TRIQK: variants seen among roughly 807,000 people sequenced by gnomAD.
TRIQK encodes triple QxxK/R motif-containing protein.
TRIQK carries 10 observed loss-of-function variants against 10.8 expected under a neutral mutation model. The ratio of observed to expected loss-of-function variants is 0.92; its 90% confidence interval spans 0.57 to 1.57. TRIQK has a LOEUF of 1.57. Ranked by LOEUF, TRIQK falls within the 40% of genes most tolerant of loss-of-function variation. The pLI is 0.00. For missense variants in TRIQK, 107 were observed against 97.7 expected (o/e 1.09, Z -0.40); for synonymous variants, 33 against 33.7 (o/e 0.98, Z 0.07).
At chr8:92,949,958 A>T (rs899069406) in intron 2 of TRIQK, among the ~76,000 whole-genome samples, 2 of 152,084 alleles carry the variant, frequency 1.3e-5, no homozygotes, top group African/African-American at 4.8e-5. Flanking sequence ...CCATTTATTT[A>T]AGATTCTTAG....
chr8:92,984,533 TCTAA>T (rs1813014461), intron 1 of TRIQK, among the ~76,000 whole-genome samples: 2 of 152,192 alleles, frequency 1.3e-5, no homozygotes, highest in African/African-American at 4.8e-5. Context: ...TCTTACTTAA[TCTAA>T]CTATTCATCA....
intron 2 of TRIQK, chr8:92,927,990 T>C (rs1563639580): frequency 6.6e-6 from 1 of 152,088 alleles, no homozygotes; most frequent in Non-Finnish European, 1.5e-5. Context: ...TTCAGGAAAG[T>C]GGTGCTTGTA....
intron 4 of TRIQK, chr8:92,886,964 T>C (rs1162151896): frequency 2.4e-5 from 7 of 293,354 alleles, no homozygotes; most frequent in African/African-American, 6.6e-5. Context: ...AGTATTATTA[T>C]TTCTAGCTAA....
intron 3 of TRIQK, among the ~76,000 whole-genome samples, chr8:92,900,593 G>T (rs1230720496): frequency 6.6e-6 from 1 of 152,030 alleles, no homozygotes; most frequent in African/African-American, 2.4e-5. Context: ...TATTCCATTG[G>T]TGTATGTGTC....
intron 3 of TRIQK, among the ~76,000 whole-genome samples, chr8:92,894,673 C>T (rs1586372030): frequency 6.6e-6 from 1 of 152,090 alleles, no homozygotes; most frequent in African/African-American, 2.4e-5. Context: ...GGAACAGGTT[C>T]TACTGCATTT....
chr8:92,976,935 T>C (rs1812939174), intron 1 of TRIQK, among the ~76,000 whole-genome samples: 1 of 152,014 alleles, frequency 6.6e-6, no homozygotes, highest in Non-Finnish European at 1.5e-5. Context: ...TGTGCTATTG[T>C]CATGTATTTT....
chr8:92,900,427 G>T (rs1246359359), intron 3 of TRIQK, among the ~76,000 whole-genome samples: 1 of 152,122 alleles, frequency 6.6e-6, no homozygotes, highest in Non-Finnish European at 1.5e-5. Context: ...TATGGTAAAA[G>T]ATAGGGTTCT....
chr8:92,995,005 T>A, intron 1 of TRIQK, among the ~76,000 whole-genome samples: 1 of 152,120 alleles, frequency 6.6e-6, no homozygotes, highest in East Asian at 1.9e-4. Context: ...AAACTATTTC[T>A]ACTGAAAGAT....
chr8:92,892,106 T>C (rs1311763191), intron 3 of TRIQK, 32 bp from the exon 4 acceptor site: 5 of 1,319,204 alleles, frequency 3.8e-6, no homozygotes, highest in African/African-American at 3.0e-5. Flanking sequence ...CAATGAGTTA[T>C]GCTCATATAT....
intron 3 of TRIQK, among the ~76,000 whole-genome samples, chr8:92,909,502 T>C (rs1403845190): frequency 6.6e-6 from 1 of 151,858 alleles, no homozygotes; most frequent in African/African-American, 2.4e-5. Flanking sequence ...CGGGCAAATT[T>C]TTCATTTTAA....
intron 3 of TRIQK, among the ~76,000 whole-genome samples, chr8:92,898,846 T>TATATATAC: frequency 7.6e-6 from 1 of 131,886 alleles, no homozygotes; most frequent in Admixed American, 7.4e-5. Context: ...TATATATATA[T>TATATATAC]ATATATATAT....
At chr8:92,897,459 AG>A (rs2130312357) in intron 3 of TRIQK, among the ~76,000 whole-genome samples, 1 of 152,254 alleles carries the variant, frequency 6.6e-6, no homozygotes, top group African/African-American at 2.4e-5. Flanking sequence ...TTAGGTCATA[AG>A]GGCTCTGCCC....
intron 1 of TRIQK, among the ~76,000 whole-genome samples, chr8:93,009,148 A>G (rs1027098003): frequency 6.6e-6 from 1 of 152,246 alleles, no homozygotes; most frequent in African/African-American, 2.4e-5. Context: ...ATAACAAATA[A>G]TCTAATTTTA....
At chr8:92,895,639 T>C (rs970339946) in intron 3 of TRIQK, among the ~76,000 whole-genome samples, 2 of 152,152 alleles carry the variant, frequency 1.3e-5, no homozygotes, top group Non-Finnish European at 2.9e-5. Context: ...AGACATCTTA[T>C]TGGGACCTGG....
intron 1 of TRIQK, among the ~76,000 whole-genome samples, chr8:92,993,211 T>A (rs1212234813): frequency 6.6e-6 from 1 of 152,200 alleles, no homozygotes; most frequent in Non-Finnish European, 1.5e-5. Context: ...TCAACATTTT[T>A]CTTTTTAATC....
At chr8:92,995,240 C>G (rs990030565) in intron 1 of TRIQK, among the ~76,000 whole-genome samples, 1 of 152,006 alleles carries the variant, frequency 6.6e-6, no homozygotes, top group African/African-American at 2.4e-5. Flanking sequence ...TGCCTGTTAT[C>G]CCGCTATTCC....
chr8:92,970,266 A>G (rs1009086832), upstream of TRIQK, among the ~76,000 whole-genome samples: 1 of 152,178 alleles, frequency 6.6e-6, no homozygotes, highest in Non-Finnish European at 1.5e-5. Context: ...GCATGCATGT[A>G]TCTTTATAAT....
chr8:93,004,410 C>G (rs189640059), intron 1 of TRIQK, among the ~76,000 whole-genome samples: 2 of 152,196 alleles, frequency 1.3e-5, no homozygotes, highest in East Asian at 1.9e-4. Context: ...GCTTGGCCCA[C>G]GAAACAATGT....
rs542127949 is a variant in TRIQK at position 92,886,755 on chromosome 8, A to T, written c.148-20T>A. The T allele has an allele frequency of 7.3e-7, 1 of 1,361,716 alleles. No individual in the cohort carries two copies. The highest frequency in any genetic ancestry group is 2.5e-5 in the East Asian group (1 of 39,958). 84.4% of individuals were successfully genotyped at this position (1,361,716 alleles called of 1,614,324 possible). On this transcript the variant is annotated intron_variant, in intron 4 of 4. Coordinates refer to ENST00000521988, the MANE Select transcript of TRIQK (RefSeq NM_001171797.2). ...AACTTCCTGGGAAGAAAAAAAAAGT[A>T]GACTTGAAATTGATGAAAAAAGATT...
Sources: gnomAD v4.1 joint callset for allele counts (sites outside exome capture counted in the v4.1 genomes callset) on GRCh38, gnomAD v4.1.1 for gene constraint, MANE v1.5 for transcripts, NCBI Gene and HGNC (gene_info 2026-07-23, HGNC 2026-07-21) for gene names.